The following AP1M2 variants were observed in gnomAD, a reference collection of about 807,000 sequenced individuals.
AP1M2 encodes adaptor related protein complex 1 subunit mu 2, also known as AP-1 complex subunit mu-2.
AP1M2 carries 41 observed loss-of-function variants against 54.6 expected under a neutral mutation model. The ratio of observed to expected loss-of-function variants is 0.75; its 90% CI spans 0.59 to 0.97. The LOEUF (loss-of-function observed/expected upper bound fraction) is 0.97. Ranked by LOEUF, AP1M2 falls within the 50% of genes least tolerant of loss-of-function variation. AP1M2 has a pLI of 0.00. For missense variants in AP1M2, 507 were observed against 561.2 expected (o/e 0.90, Z 0.98); for synonymous variants, 219 against 215.9 (o/e 1.01, Z -0.13).
intron 1 of AP1M2, 175 bp downstream of exon 1, chr19:10,587,015 G>T: frequency 1.6e-6 from 1 of 633,122 alleles, no homozygotes. Context: ...CCTAGGAGGC[G>T]AACCCCTTGG....
chr19:10,582,223 T>C (rs1917490112), intron 3 of AP1M2, among the ~76,000 whole-genome samples: 1 of 151,994 alleles, frequency 6.6e-6, no homozygotes. Flanking sequence ...TTTGTATTTT[T>C]AGTAGAGACG....
rs778198138 is a variant in AP1M2, at chr19:10,574,505, G to A, written c.1174-13C>T. 32 of 1,556,112 alleles carry A rather than the reference G, an allele frequency of 2.1e-5. No individual in the cohort carries two copies. The highest frequency in any genetic ancestry group is 7.2e-5 in the East Asian group (3 of 41,792). ...TCATGTATCGGACCTGGAAGGGAAT[G>A]AAAAGAGGTGGTCCAGGATTGCAGG... On this transcript the variant is annotated splice_polypyrimidine_tract_variant and intron_variant, in intron 10 of 11. Transcript: ENST00000250244.
intron 1 of AP1M2, among the ~76,000 whole-genome samples, chr19:10,586,442 A>G (rs10422087): frequency 0.033 from 4,742 of 145,600 alleles, 232 homozygotes; most frequent in African/African-American, 0.12. Context: ...GTGACAGAGC[A>G]AGACTCTATT....
At position 10,577,232 on chromosome 19, in the gene AP1M2, C is replaced by A. The variant is rs373690200; in HGVS notation, c.1013G>T (p.Arg338Ile). 1.7e-5 allele frequency: 28 copies of A among 1,611,714 alleles called. No individual in the cohort carries two copies. Among genetic ancestry groups the A allele is most frequent in the Non-Finnish European group, 2.3e-5 (27 of 1,178,740 alleles). ...SVGSAKYVPE[R>I]NVVIWSIKSF... ...CTTAATACTCCAAATCACGACGTTT[C>A]TCTCCGGCACATACTTGGCGCTGCC... The change falls in exon 9 of 12, where the codon AGA (arginine) becomes ATA (isoleucine). Residue 338 changes from arginine to isoleucine, a missense_variant. By Grantham distance (97) the Arg-to-Ile change is moderately conservative. Transcript: ENST00000250244.
At chr19:10,580,767 A>G (rs1256439834) in intron 6 of AP1M2, among the ~76,000 whole-genome samples, 2 of 152,088 alleles carry the variant, frequency 1.3e-5, no homozygotes, top group Non-Finnish European at 2.9e-5. Flanking sequence ...AGTTTAGACC[A>G]GACTGGGCAA....
Position 10,573,047 on chromosome 19 carries a change from C to A in AP1M2, c.*19G>T. 1.3e-6 allele frequency: 2 copies of A among 1,561,434 alleles called. No homozygotes were observed. The highest frequency in any genetic ancestry group is 1.2e-5 in the South Asian group (1 of 84,540). ...GCTGTAAGGAAGCCCCGTGTTCAAG[C>A]CCCCATCTCTTCTCCCTTCTAGCTG... On this transcript the variant is annotated 3_prime_UTR_variant, in exon 12 of 12. Coordinates refer to ENST00000250244, the MANE Select transcript of AP1M2 (RefSeq NM_005498.5).
At position 10,579,811 on chromosome 19, in the gene AP1M2, A is replaced by G. The variant is rs981194772; in HGVS notation, c.721T>C (p.Cys241Arg). 13 of 1,613,462 alleles carry G rather than the reference A, an allele frequency of 8.1e-6. No individual in the cohort carries two copies. Among genetic ancestry groups the G allele is most frequent in the South Asian group, 1.1e-5 (1 of 90,976 alleles). ...TTGTCAAAGCGAGAGAGCCGCACGC[A>G]CTGGTGGAATTTTACATCCTCCAGC... is the stretch of plus-strand genomic sequence containing the variant. ...VELEDVKFHQCVRLSRFDNDR... is the reference protein window; with the variant it reads ...VELEDVKFHQRVRLSRFDNDR... The change falls in exon 7 of 12, where the codon TGC becomes CGC. Residue 241 changes from cysteine (C) to arginine (R), a missense_variant. Physicochemically the swap from Cys to Arg is radical, Grantham distance 180. Coordinates refer to ENST00000250244, the MANE Select transcript of AP1M2 (RefSeq NM_005498.5).
Position 10,586,358 on chromosome 19 carries a change from G to A in AP1M2, c.42+832C>T, listed in dbSNP as rs1193549510. 2.0e-5 allele frequency among the ~76,000 whole-genome samples: 3 copies of A among 150,820 alleles called. No homozygotes were observed. In the East Asian group the frequency reaches 5.8e-4, roughly 29 times the overall value. ...TAGTCCCAGCTACTCGGGAGGCTGA[G>A]GCAGGAGAATTGCTTCAACCCGGGA... On this transcript the variant is annotated intron_variant, in intron 1 of 11. Coordinates refer to ENST00000250244, the MANE Select transcript of AP1M2 (RefSeq NM_005498.5).
At chr19:10,582,337 C>T (rs1215317761) in intron 3 of AP1M2, among the ~76,000 whole-genome samples, 2 of 152,008 alleles carry the variant, frequency 1.3e-5, no homozygotes, top group African/African-American at 2.4e-5. Context: ...CACCGGTGCC[C>T]GGCCATGAGC....
intron 9 of AP1M2, among the ~76,000 whole-genome samples, chr19:10,576,307 G>A (rs935939679): frequency 1.4e-5 from 2 of 140,128 alleles, no homozygotes. Context: ...CTGTCACCCA[G>A]GCTGGAGTGC....
chr19:10,580,145 G>A (rs536399889), intron 6 of AP1M2, among the ~76,000 whole-genome samples: 5 of 142,052 alleles, frequency 3.5e-5, no homozygotes, highest in African/African-American at 5.2e-5. Context: ...TCCACCTCCC[G>A]AGTTCAAGCC....
At chr19:10,576,258 ATTTTTTTTTTTT>A (rs34667196) in intron 9 of AP1M2, among the ~76,000 whole-genome samples, 1 of 82,544 alleles carries the variant, frequency 1.2e-5, no homozygotes, top group Non-Finnish European at 2.2e-5. Context: ...TGCCCGGCTA[ATTTTTTTTTTTT>A]TTTTTTTTTT....
At chr19:10,583,471 C>G (rs1175545215) in intron 3 of AP1M2, 135 bp downstream of exon 3, 4 of 647,774 alleles carry the variant, frequency 6.2e-6, no homozygotes, top group Non-Finnish European at 7.9e-6. Flanking sequence ...CCCATCTCTA[C>G]CAGAAAAAAA....
rs939578358 is a variant in AP1M2 at position 10,579,795 on chromosome 19, C to G, written c.737G>C (p.Arg246Pro). The G allele has an allele frequency of 2.5e-6, 4 of 1,613,614 alleles. No homozygotes were observed. The highest frequency in any genetic ancestry group is 2.5e-6 in the Non-Finnish European group (3 of 1,179,826). The stretch of plus-strand genomic sequence containing the variant: ...GGAGATGGTGCGGTCGTTGTCAAAG[C>G]GAGAGAGCCGCACGCACTGGTGGAA... ...VKFHQCVRLS[R>P]FDNDRTISFI... The change falls in exon 7 of 12, where the codon CGC becomes CCC. Residue 246 changes from arginine to proline, a missense_variant. Transcript: ENST00000250244.
rs1021913266 is a variant in AP1M2 at position 10,573,851 on chromosome 19, G to T, written c.1249+566C>A. On this transcript the variant is annotated intron_variant, in intron 11 of 11. Transcript: ENST00000250244. ...AATTTTTATATTTTTTGTAGTGAAG[G>T]GGTTTTGCTGTGTTGCCAAGGCTGG... Among the ~76,000 whole-genome samples, 6 of 151,336 alleles carry T rather than the reference G, an allele frequency of 4.0e-5. No individual in the cohort carries two copies. In the East Asian group the frequency reaches 1.2e-3, roughly 29 times the overall value.
At chr19:10,583,784 G>GC in intron 2 of AP1M2, 111 bp from the exon 3 acceptor site, 1 of 1,479,656 alleles carries the variant, frequency 6.8e-7, no homozygotes, top group Admixed American at 2.0e-5. Context: ...ACCTGCCCCT[G>GC]CCCCCCAGCC....
At chr19:10,582,190 C>T (rs747357414) in intron 3 of AP1M2, among the ~76,000 whole-genome samples, 20 of 152,042 alleles carry the variant, frequency 1.3e-4, no homozygotes, top group Admixed American at 9.2e-4. Context: ...ACTACAGGCA[C>T]GCACTACCAG....
intron 8 of AP1M2, among the ~76,000 whole-genome samples, chr19:10,578,597 T>C (rs1344054484): frequency 2.0e-5 from 3 of 151,862 alleles, no homozygotes; most frequent in Non-Finnish European, 2.9e-5. Flanking sequence ...GGGGTCTAGC[T>C]CTGTCATCCA....
At chr19:10,585,305 A>AGG (rs1917611845) in intron 1 of AP1M2, among the ~76,000 whole-genome samples, 2 of 146,200 alleles carry the variant, frequency 1.4e-5, no homozygotes, top group African/African-American at 2.5e-5. Flanking sequence ...GAAAGAAAGA[A>AGG]AGAAAGAAAG....
Sources: gnomAD v4.1 joint callset for allele counts (sites outside exome capture counted in the v4.1 genomes callset) on GRCh38, gnomAD v4.1.1 for gene constraint, MANE v1.5 for transcripts, NCBI Gene and HGNC (gene_info 2026-07-23, HGNC 2026-07-21) for gene names.